The following KIFC3 variants were observed in gnomAD, a reference collection of about 807,000 sequenced individuals.
KIFC3 encodes kinesin-like protein KIFC3.
KIFC3 carries 60 observed loss-of-function variants against 101.8 expected under a neutral mutation model. That is an observed-to-expected ratio of 0.59 (90% confidence interval 0.48 to 0.73). The LOEUF is 0.73. Ranked by LOEUF, KIFC3 falls within the 30% of genes least tolerant of loss-of-function variation. The pLI is 0.00. For synonymous variants in KIFC3, 476 were observed against 482.7 expected, an observed-to-expected ratio of 0.99 and a Z score of 0.18; for missense variants, 966 against 1,137.1, an observed-to-expected ratio of 0.85 and a Z score of 2.16.
chr16:57,798,104 A>G lies in KIFC3; in HGVS notation c.140T>C (p.Phe47Ser). 2 of 1,591,246 alleles carry G rather than the reference A, an allele frequency of 1.3e-6. No homozygotes were observed. The highest frequency in any genetic ancestry group is 1.7e-5 in the Admixed American group (1 of 57,606). Residue 47 changes from phenylalanine to serine, a missense_variant, in exon 2 of 20, where the codon TTC becomes TCC. Physicochemically the swap from Phe to Ser is radical, Grantham distance 155. Around this residue, in one of 2 missense-constraint regions of KIFC3, gnomAD observed 277 missense variants for 252.5 expected, o/e 1.10. Coordinates refer to ENST00000445690, the MANE Select transcript of KIFC3 (RefSeq NM_001130100.2). ...PAPASPAARPFPHTGPGRLRT... is the reference protein window; with the variant it reads ...PAPASPAARPSPHTGPGRLRT... ...CAACCTCCCCGGGCCGGTGTGTGGG[A>G]AAGGGCGGGCGGCCGGGCTGGCTGG... is the stretch of plus-strand genomic sequence containing the variant.
intron 1 of KIFC3, among the ~76,000 whole-genome samples, chr16:57,847,203 G>GAAGA (rs2055938857): frequency 4.2e-4 from 16 of 38,394 alleles, no homozygotes; most frequent in Admixed American, 1.9e-3. Context: ...GGGAAGGAAG[G>GAAGA]AAGGAAGGAA....
At chr16:57,775,301 GCTT>G (rs2051895342) in intron 3 of KIFC3, 3 of 1,220,260 alleles carry the variant, frequency 2.5e-6, no homozygotes, top group Non-Finnish European at 3.1e-6. Flanking sequence ...GTCATCTCTG[GCTT>G]CTTGAGGGCA....
chr16:57,844,646 A>G (rs2055881452), intron 1 of KIFC3, among the ~76,000 whole-genome samples: 1 of 151,124 alleles, frequency 6.6e-6, no homozygotes. Context: ...TCTCTGTCCC[A>G]CTCTCCCCAC....
intron 3 of KIFC3, among the ~76,000 whole-genome samples, chr16:57,791,229 C>T (rs955388711): frequency 6.6e-6 from 1 of 152,168 alleles, no homozygotes; most frequent in African/African-American, 2.4e-5. Context: ...GACTCTGTCT[C>T]AAAAAGAAAA....
At chr16:57,772,380 TGGCTGTGGCTTCTTCTAA>T (rs782297921) in intron 3 of KIFC3, 92 bp from the exon 4 acceptor site, 6 of 1,071,950 alleles carry the variant, frequency 5.6e-6, no homozygotes, top group South Asian at 2.7e-5. Context: ...ATGACTGATG[TGGCTGTGGCTTCTTCTAA>T]GGCTGTGGCC....
intron 6 of KIFC3, among the ~76,000 whole-genome samples, chr16:57,770,937 G>A (rs2967167): frequency 0.96 from 146,726 of 152,304 alleles, 70,914 homozygotes; most frequent in African/African-American, 0.99. Context: ...CCTGGGTACA[G>A]ACAAGAAAGG....
intron 1 of KIFC3, among the ~76,000 whole-genome samples, chr16:57,847,810 G>A (rs1201309372): frequency 4.0e-5 from 6 of 150,680 alleles, no homozygotes; most frequent in East Asian, 1.9e-4. Context: ...GTGTGAGACC[G>A]AGTCTCACTC....
intron 1 of KIFC3, among the ~76,000 whole-genome samples, chr16:57,851,130 C>G (rs1462197491): frequency 3.3e-5 from 5 of 152,140 alleles, no homozygotes; most frequent in Non-Finnish European, 7.3e-5. Context: ...CCCACCTCAG[C>G]CTCCTGAGTA....
intron 1 of KIFC3, among the ~76,000 whole-genome samples, chr16:57,828,553 C>T (rs1257637862): frequency 6.6e-6 from 1 of 152,218 alleles, no homozygotes; most frequent in Non-Finnish European, 1.5e-5. Context: ...GGGTGGGGCC[C>T]CGCGGCATTG....
chr16:57,774,679 C>T (rs532965429), intron 3 of KIFC3: 8 of 336,890 alleles, frequency 2.4e-5, no homozygotes, highest in Middle Eastern at 1.5e-3. Flanking sequence ...CATACCATCA[C>T]GCCCGGCTAA....
At chr16:57,850,239 C>CA (rs1233930099) in intron 1 of KIFC3, among the ~76,000 whole-genome samples, 2 of 151,204 alleles carry the variant, frequency 1.3e-5, no homozygotes, top group African/African-American at 2.4e-5. Flanking sequence ...CCTGTCTCTA[C>CA]AAAAAATTGA....
intron 3 of KIFC3, chr16:57,785,723 AG>A (rs2053251532): frequency 3.7e-6 from 4 of 1,075,790 alleles, no homozygotes; most frequent in South Asian, 1.6e-5. Flanking sequence ...CTGGCAGAGG[AG>A]GGGGTCCATC....
At chr16:57,774,823 G>A (rs573514316) in intron 3 of KIFC3, 139 of 1,259,358 alleles carry the variant, frequency 1.1e-4, no homozygotes, top group Admixed American at 2.2e-4. Context: ...CCCTGCGCCC[G>A]GCCAGTAATT....
chr16:57,841,118 A>G lies in KIFC3; in HGVS notation c.108+21611T>C, dbSNP rs566454924. ...GTTATCAGCAGAGACGGAACAATAGACGAAAATCAAAGAGTGAAATTTAGA... is the reference window on the plus strand; with the variant it reads ...GTTATCAGCAGAGACGGAACAATAGGCGAAAATCAAAGAGTGAAATTTAGA... On this transcript the variant is annotated intron_variant, in intron 1 of 2. Transcript: ENST00000563028. Among the ~76,000 whole-genome samples the G allele has an allele frequency of 2.6e-4, 39 of 152,356 alleles. 1 individual carries two copies. In the South Asian group the frequency reaches 7.7e-3, roughly 30 times the overall value.
chr16:57,762,131 G>T lies in KIFC3; in HGVS notation c.1748+9C>A. Reference sequence around the variant, plus strand: ...CTGAGGCCTGCTCCGCACACCCTGGGGCTCCCACCTGAGGACCTCATTGTA... The same window carrying T: ...CTGAGGCCTGCTCCGCACACCCTGGTGCTCCCACCTGAGGACCTCATTGTA... On this transcript the variant is annotated intron_variant, in intron 13 of 19. Transcript: ENST00000445690. 6 of 1,590,622 alleles carry T rather than the reference G, an allele frequency of 3.8e-6. No homozygotes were observed. Among genetic ancestry groups the T allele is most frequent in the Non-Finnish European group, 5.1e-6 (6 of 1,166,676 alleles).
chr16:57,767,328 T>A (rs2050608058), intron 9 of KIFC3, among the ~76,000 whole-genome samples: 1 of 152,190 alleles, frequency 6.6e-6, no homozygotes, highest in East Asian at 1.9e-4. Context: ...GCTGGGGACC[T>A]GAGACCACTG....
chr16:57,796,575 C>T (rs2054339375), intron 2 of KIFC3, among the ~76,000 whole-genome samples: 1 of 152,162 alleles, frequency 6.6e-6, no homozygotes, highest in Non-Finnish European at 1.5e-5. Context: ...TGGCTGAGGC[C>T]CAGTGGCAGG....
upstream of KIFC3, chr16:57,803,543 G>A: frequency 2.7e-6 from 1 of 376,994 alleles, no homozygotes; most frequent in Non-Finnish European, 5.3e-6. Flanking sequence ...AGGGGGTCGG[G>A]CAACTCCAGG....
Position 57,758,727 on chromosome 16 carries a change from G to T in KIFC3, c.*207C>A. 3.5e-6 allele frequency: 3 copies of T among 854,966 alleles called. No homozygotes were observed. Among genetic ancestry groups the T allele is most frequent in the South Asian group, 1.4e-5 (1 of 72,496 alleles). The allele number at this position is 854,966 out of a possible 1,614,324, so 53.0% of individuals were successfully genotyped here. A position where few individuals can be genotyped will look rare whatever the true frequency, so the allele number is the denominator to read the frequency against. On this transcript the variant is annotated 3_prime_UTR_variant, in exon 20 of 20. Transcript: ENST00000445690. ...GCAATTTGCACTCAGAGCCACAGCC[G>T]AGAGACACCGTTTCCTTCTGAACAT...
Sources: gnomAD v4.1 joint callset for allele counts (sites outside exome capture counted in the v4.1 genomes callset) on GRCh38, gnomAD v4.1.1 for gene constraint, gnomAD v4.1.1 regional missense constraint, MANE v1.5 for transcripts, NCBI Gene and HGNC (gene_info 2026-07-23, HGNC 2026-07-21) for gene names.